Variants in ITPR2 observed in about 807,000 individuals in gnomAD.
ITPR2 encodes the protein inositol 1,4,5-trisphosphate-gated calcium channel ITPR2.
Under a neutral mutation model 317.1 loss-of-function variants are expected in ITPR2, and 207 were observed. That is an observed-to-expected ratio of 0.65 (90% CI 0.58 to 0.73). The LOEUF is 0.73. Among genes scored for constraint, ITPR2 ranks in the 30% least tolerant of loss-of-function variants. The probability of loss-of-function intolerance (pLI) is 0.00; values close to 1 mark genes in which losing one functional copy is unlikely to be tolerated. For synonymous variants in ITPR2, 1,156 were observed against 1,149.1 expected (o/e 1.01, Z -0.12); for missense variants, 2,613 against 3,284.0 (o/e 0.80, Z 4.99).
At chr12:26,489,298 G>A (rs1485083567) in intron 39 of ITPR2, among the ~76,000 whole-genome samples, 1 of 152,220 alleles carries the variant, frequency 6.6e-6, no homozygotes, top group Non-Finnish European at 1.5e-5. Context: ...TGTGTGACAG[G>A]AGACTGGAAG....
chr12:26,492,911 GTGTGTGTGTATA>G lies in ITPR2; in HGVS notation c.5370+1230_5370+1241del, dbSNP rs1942842457. On this transcript the variant is annotated intron_variant, in intron 39 of 56. Coordinates refer to ENST00000381340, the MANE Select transcript of ITPR2 (RefSeq NM_002223.4). ...TTGCACGATATGTGTGTGTGTATGTGTGTGTGTGTATATATATATATATATATATATAAAAGC... is the reference window on the plus strand; with the variant it reads ...TTGCACGATATGTGTGTGTGTATGTGTATATATATATATATATATAAAAGC... Among the ~76,000 whole-genome samples, 6 of 122,048 alleles carry G rather than the reference GTGTGTGTGTATA, an allele frequency of 4.9e-5. No homozygotes were observed. The Admixed American group carries it at 4.9e-4, about 10-fold the overall frequency. 80.1% of individuals were successfully genotyped at this position (122,048 alleles called of 152,430 possible).
intron 21 of ITPR2, among the ~76,000 whole-genome samples, chr12:26,649,822 T>TAGATAGATAGATAGATAGAC (rs779584089): frequency 1.7e-5 from 2 of 119,960 alleles, no homozygotes; most frequent in African/African-American, 6.3e-5. Flanking sequence ...GATAGATAGA[T>TAGATAGATAGATAGATAGAC]AGACAGACAG....
chr12:26,715,970 G>C (rs1948733103), intron 6 of ITPR2, 135 bp from the exon 7 acceptor site: 1 of 741,892 alleles, frequency 1.3e-6, no homozygotes, highest in African/African-American at 1.8e-5. Context: ...AAGTATCTTT[G>C]AGAGACCATC....
intron 45 of ITPR2, among the ~76,000 whole-genome samples, chr12:26,465,366 AGGTGGAAC>A (rs1942145968): frequency 6.6e-6 from 1 of 152,244 alleles, no homozygotes; most frequent in Non-Finnish European, 1.5e-5. Context: ...AGAGTGGTTT[AGGTGGAAC>A]GGTGAAAATG....
chr12:26,781,074 T>C (rs1381234421), intron 2 of ITPR2, among the ~76,000 whole-genome samples: 2 of 152,192 alleles, frequency 1.3e-5, no homozygotes, highest in African/African-American at 4.8e-5. Context: ...GGGCATCTCT[T>C]AGTATTACCA....
chr12:26,623,991 T>C (rs1391740311), intron 24 of ITPR2, among the ~76,000 whole-genome samples: 1 of 152,178 alleles, frequency 6.6e-6, no homozygotes, highest in East Asian at 1.9e-4. Context: ...CTCAGTGATA[T>C]TTATACCAGG....
intron 37 of ITPR2, among the ~76,000 whole-genome samples, chr12:26,547,658 C>T (rs1478905355): frequency 6.6e-6 from 1 of 152,198 alleles, no homozygotes; most frequent in African/African-American, 2.4e-5. Flanking sequence ...CCCAAATGTC[C>T]CTTGACGGAT....
At chr12:26,784,894 G>A (rs1447567936) in intron 2 of ITPR2, among the ~76,000 whole-genome samples, 1 of 96,470 alleles carries the variant, frequency 1.0e-5, no homozygotes, top group African/African-American at 3.5e-5. Context: ...TCTAGGAAGC[G>A]AGGAGCACCT....
chr12:26,655,774 A>G lies in ITPR2; in HGVS notation c.2523T>C (p.Tyr841=). ...AGGGCTGGTTTACAACTTCTTTCAA[A>G]TATTCTTCAACAAATTCCATTGTCA... ...FALTMEFVEE[Y]LKEVVNQPFP... Residue 841 remains tyrosine, a synonymous_variant, in exon 20 of 57, where the codon TAT becomes TAC. Transcript: ENST00000381340. 1 of 1,612,922 alleles carries G rather than the reference A, an allele frequency of 6.2e-7. No individual in the cohort carries two copies. Among genetic ancestry groups the G allele is most frequent in the South Asian group, 1.1e-5 (1 of 91,068 alleles).
chr12:26,600,497 TTC>T (rs911300984), intron 28 of ITPR2, among the ~76,000 whole-genome samples: 9 of 152,112 alleles, frequency 5.9e-5, no homozygotes, highest in African/African-American at 1.9e-4. Flanking sequence ...GTCCCTATCT[TTC>T]TCTGTTTCTC....
At chr12:26,411,996 G>A (rs1413441950) in intron 51 of ITPR2, among the ~76,000 whole-genome samples, 1 of 152,178 alleles carries the variant, frequency 6.6e-6, no homozygotes, top group African/African-American at 2.4e-5. Flanking sequence ...ACACAGAATA[G>A]AATAGAAAAT....
intron 37 of ITPR2, among the ~76,000 whole-genome samples, chr12:26,520,449 G>T (rs1349992860): frequency 1.3e-5 from 2 of 152,134 alleles, no homozygotes; most frequent in East Asian, 3.9e-4. Context: ...TCTGGCAAGG[G>T]TGTTTCCTGC....
chr12:26,830,728 T>A (rs182248776), intron 1 of ITPR2, among the ~76,000 whole-genome samples: 6 of 152,366 alleles, frequency 3.9e-5, no homozygotes, highest in African/African-American at 1.4e-4. Flanking sequence ...TTTCTTTGTC[T>A]AGGTTTTATA....
At chr12:26,518,216 C>A (rs1014038075) in intron 37 of ITPR2, among the ~76,000 whole-genome samples, 17 of 152,192 alleles carry the variant, frequency 1.1e-4, no homozygotes, top group Admixed American at 1.0e-3. Context: ...ATGTCCTTTG[C>A]AGCAACATGG....
At chr12:26,784,871 G>A (rs1383544657) in intron 2 of ITPR2, among the ~76,000 whole-genome samples, 4 of 128,542 alleles carry the variant, frequency 3.1e-5, no homozygotes, top group South Asian at 2.6e-4. Context: ...GTCTCTGCCC[G>A]GCCGCCATCC....
chr12:26,721,219 A>C, intron 5 of ITPR2: 2 of 454,626 alleles, frequency 4.4e-6, no homozygotes, highest in Non-Finnish European at 7.9e-6. Flanking sequence ...TTTTTTTAAG[A>C]AATCCAACCA....
rs144691829 is a variant in ITPR2, at chr12:26,634,967, A to T, written c.2741-2908T>A. On this transcript the variant is annotated intron_variant, in intron 21 of 56. Coordinates refer to ENST00000381340, the MANE Select transcript of ITPR2 (RefSeq NM_002223.4). The stretch of plus-strand genomic sequence containing the variant: ...ACTTTTCAGGTTCTTTCATTATATG[A>T]TTACATAGATATTTTTAGTAACCTT... 4.7e-3 allele frequency among the ~76,000 whole-genome samples: 705 copies of T among 151,158 alleles called. 4 individuals carry two copies. Among genetic ancestry groups the T allele is most frequent in the Non-Finnish European group, 6.9e-3 (466 of 67,750 alleles).
At position 26,739,107 on chromosome 12, in the gene ITPR2, A is replaced by C. The variant is rs1429353837; in HGVS notation, c.164-13342T>G. Reference sequence around the variant, plus strand: ...AAATGCAAACTATGACCATAATTAGATACCACTACAAAACCACTAGAATGG... The same window carrying C: ...AAATGCAAACTATGACCATAATTAGCTACCACTACAAAACCACTAGAATGG... On this transcript the variant is annotated intron_variant, in intron 2 of 56. Transcript: ENST00000381340. Among the ~76,000 whole-genome samples, 3 of 152,236 alleles carry C rather than the reference A, an allele frequency of 2.0e-5. No individual in the cohort carries two copies. In the East Asian group the frequency reaches 5.8e-4, roughly 29 times the overall value.
At chr12:26,817,022 T>C (rs1039334151) in intron 1 of ITPR2, among the ~76,000 whole-genome samples, 3 of 150,476 alleles carry the variant, frequency 2.0e-5, no homozygotes, top group Non-Finnish European at 4.4e-5. Context: ...TACTAAAAAA[T>C]ACAAAAAAAT....
Sources: gnomAD v4.1 joint callset for allele counts (sites outside exome capture counted in the v4.1 genomes callset) on GRCh38, gnomAD v4.1.1 for gene constraint, MANE v1.5 for transcripts, NCBI Gene and HGNC (gene_info 2026-07-23, HGNC 2026-07-21) for gene names.